BST1: variants seen among roughly 807,000 people sequenced by gnomAD.
BST1 encodes ADP-ribosyl cyclase/cyclic ADP-ribose hydrolase 2.
A neutral mutation model predicts 40.6 loss-of-function variants in BST1; 49 were observed. That is an observed-to-expected ratio of 1.21 (90% CI 0.96 to 1.53). The LOEUF is 1.53. BST1 is among the 40% of genes most tolerant of loss of function. BST1 has a pLI of 0.00. For missense variants in BST1, 423 were observed against 395.9 expected, an observed-to-expected ratio of 1.07 and a Z score of -0.58; for synonymous variants, 157 against 159.3, an observed-to-expected ratio of 0.99 and a Z score of 0.11.
At chr4:15,707,432 C>T (rs1445404971) in intron 2 of BST1, 79 bp from the exon 3 acceptor site, 4 of 1,581,492 alleles carry the variant, frequency 2.5e-6, no homozygotes, top group Non-Finnish European at 3.5e-6. Context: ...GATTGCCCAA[C>T]TTGCCTTGAT....
At chr4:15,706,069 CAGG>C (rs974649364) in intron 2 of BST1, among the ~76,000 whole-genome samples, 3 of 152,124 alleles carry the variant, frequency 2.0e-5, no homozygotes, top group Non-Finnish European at 4.4e-5. Context: ...AGAACTCCCT[CAGG>C]AGAACAGCAG....
downstream of BST1, among the ~76,000 whole-genome samples, chr4:15,734,712 T>C (rs115354093): frequency 6.6e-6 from 1 of 152,208 alleles, no homozygotes; most frequent in African/African-American, 2.4e-5. Context: ...TGCCTAAGGG[T>C]CAGTTTCCTG....
In BST1 at chr4:15,715,360, G is replaced by C; in HGVS notation, c.610G>C (p.Gly204Arg). 1.2e-6 allele frequency: 2 copies of C among 1,613,916 alleles called. No individual in the cohort carries two copies. The highest frequency in any genetic ancestry group is 1.7e-6 in the Non-Finnish European group (2 of 1,179,828). The change falls in exon 5 of 9, where the codon GGT becomes CGT. Residue 204 changes from glycine to arginine, a missense_variant and splice_region_variant. Physicochemically the swap from Gly to Arg is moderately radical, Grantham distance 125. Coordinates refer to ENST00000265016, the MANE Select transcript of BST1 (RefSeq NM_004334.3). The stretch of plus-strand genomic sequence containing the variant: ...GCCAACAGGAGCCTATCCCATCAAA[G>C]GGTAAGAACACCAGCACATTCAAAC... The part of the protein sequence containing the change: ...SEPTGAYPIK[G>R]FFADYEIPNL...
chr4:15,707,434 T>G (rs984302060), intron 2 of BST1, 77 bp from the exon 3 acceptor site: 4 of 1,586,096 alleles, frequency 2.5e-6, no homozygotes, highest in Non-Finnish European at 3.5e-6. Context: ...TTGCCCAACT[T>G]GCCTTGATGA....
chr4:15,710,567 C>T (rs1427854538), intron 3 of BST1, among the ~76,000 whole-genome samples: 2 of 152,092 alleles, frequency 1.3e-5, no homozygotes, highest in Non-Finnish European at 1.5e-5. Flanking sequence ...GTTGACCAAC[C>T]TCTTCCCATC....
intron 4 of BST1, among the ~76,000 whole-genome samples, chr4:15,714,449 C>T (rs1243733985): frequency 6.6e-6 from 1 of 152,170 alleles, no homozygotes. Flanking sequence ...GAGCCCATGC[C>T]CCTCAAATGA....
intron 8 of BST1, among the ~76,000 whole-genome samples, chr4:15,727,046 G>A (rs868700439): frequency 3.3e-5 from 5 of 152,002 alleles, no homozygotes; most frequent in African/African-American, 9.7e-5. Context: ...CTTCCAGCTG[G>A]CACTCTGGAG....
the BST1 span, among the ~76,000 whole-genome samples, chr4:15,772,736 A>T: frequency 6.6e-6 from 1 of 152,188 alleles, no homozygotes; most frequent in Non-Finnish European, 1.5e-5. Flanking sequence ...CTTCCTGAGG[A>T]TGTCTCATTG....
chr4:15,769,230 T>C, the BST1 span, among the ~76,000 whole-genome samples: 3,294 of 152,352 alleles, frequency 0.022, 117 homozygotes, highest in African/African-American at 0.075. Context: ...TTGGTGAATG[T>C]CCAGCCTGTT....
At chr4:15,741,503 G>A (rs1721741858), downstream of BST1, among the ~76,000 whole-genome samples, 1 of 152,054 alleles carries the variant, frequency 6.6e-6, no homozygotes, top group Non-Finnish European at 1.5e-5. Context: ...AACCTCCAAG[G>A]GGCTTACAAC....
chr4:15,756,722 G>A, the BST1 span, among the ~76,000 whole-genome samples: 68 of 152,092 alleles, frequency 4.5e-4, no homozygotes, highest in Non-Finnish European at 8.1e-4. Flanking sequence ...TCCCCCTAGC[G>A]GCCTCGGAGG....
chr4:15,746,106 A>G, the BST1 span, among the ~76,000 whole-genome samples: 2 of 152,210 alleles, frequency 1.3e-5, no homozygotes, highest in Non-Finnish European at 2.9e-5. Context: ...TTTGCAGTAT[A>G]CCTAGACTCA....
At chr4:15,719,702 C>T (rs375255613) in intron 7 of BST1, among the ~76,000 whole-genome samples, 111 of 152,244 alleles carry the variant, frequency 7.3e-4, no homozygotes, top group Middle Eastern at 6.8e-3. Flanking sequence ...GTGGAAATGA[C>T]GTCAGTGGTC....
At chr4:15,757,635 T>TTTAC in the BST1 span, among the ~76,000 whole-genome samples, 1 of 148,546 alleles carries the variant, frequency 6.7e-6, no homozygotes, top group African/African-American at 2.6e-5. Context: ...TTTTAAAAAT[T>TTTAC]TTATTTATTT....
chr4:15,751,939 ACGT>A, the BST1 span, among the ~76,000 whole-genome samples: 1 of 152,214 alleles, frequency 6.6e-6, no homozygotes, highest in Non-Finnish European at 1.5e-5. Flanking sequence ...GGCAGTGGGA[ACGT>A]GGCTCGTATA....
chr4:15,748,485 A>T, the BST1 span, among the ~76,000 whole-genome samples: 1 of 152,174 alleles, frequency 6.6e-6, no homozygotes, highest in Non-Finnish European at 1.5e-5. Context: ...GTGCCATTTC[A>T]TAGGCAAAGA....
chr4:15,753,423 C>G, the BST1 span, among the ~76,000 whole-genome samples: 2 of 152,172 alleles, frequency 1.3e-5, no homozygotes, highest in African/African-American at 2.4e-5. Context: ...GTGTGTGCTC[C>G]TGTGTATACA....
At chr4:15,771,573 C>A in the BST1 span, among the ~76,000 whole-genome samples, 3 of 152,204 alleles carry the variant, frequency 2.0e-5, no homozygotes, top group Non-Finnish European at 4.4e-5. Flanking sequence ...TGCCAAATCC[C>A]TGGTGATTAA....
chr4:15,748,286 G>A, the BST1 span, among the ~76,000 whole-genome samples: 15 of 152,142 alleles, frequency 9.9e-5, no homozygotes, highest in South Asian at 2.1e-4. Context: ...GCATGGTGCC[G>A]ATACTGAAGC....
Sources: gnomAD v4.1 joint callset for allele counts (sites outside exome capture counted in the v4.1 genomes callset) on GRCh38, gnomAD v4.1.1 for gene constraint, MANE v1.5 for transcripts, NCBI Gene and HGNC (gene_info 2026-07-23, HGNC 2026-07-21) for gene names.